Variants in EPB41L3 observed in about 807,000 individuals in gnomAD.
EPB41L3 encodes the protein band 4.1-like protein 3.
A neutral mutation model predicts 127.1 loss-of-function variants in EPB41L3; 57 were observed. The ratio of observed to expected loss-of-function variants is 0.45; its 90% CI spans 0.36 to 0.56. EPB41L3 has a LOEUF of 0.56. Among genes scored for constraint, EPB41L3 ranks in the 20% least tolerant of loss-of-function variants. The probability of loss-of-function intolerance (pLI) is 0.00; values close to 1 mark genes in which losing one functional copy is unlikely to be tolerated. For synonymous variants in EPB41L3, 572 were observed against 549.5 expected, an observed-to-expected ratio of 1.04 and a Z score of -0.57; for missense variants, 1,273 against 1,372.2, an observed-to-expected ratio of 0.93 and a Z score of 1.14.
At chr18:5,548,427 C>T (rs2149125508), upstream of EPB41L3, among the ~76,000 whole-genome samples, 1 of 152,218 alleles carries the variant, frequency 6.6e-6, no homozygotes, top group Non-Finnish European at 1.5e-5. Flanking sequence ...AAATGTAGCA[C>T]AAAATGTATG....
intron 1 of EPB41L3, chr18:5,628,862 G>C (rs1330597374): frequency 1.3e-5 from 2 of 151,714 alleles, no homozygotes; most frequent in Non-Finnish European, 2.9e-5. Flanking sequence ...CTCCAGCCGC[G>C]GCACGCAGCC....
intron 1 of EPB41L3, among the ~76,000 whole-genome samples, chr18:5,496,066 T>C (rs1317831809): frequency 6.6e-6 from 1 of 152,218 alleles, no homozygotes; most frequent in African/African-American, 2.4e-5. Flanking sequence ...TTTAGTTCAC[T>C]GAAGCAATAC....
At chr18:5,480,141 G>C (rs1934532526) in intron 2 of EPB41L3, 1 of 152,038 alleles carries the variant, frequency 6.6e-6, no homozygotes, top group African/African-American at 2.4e-5. Context: ...AAAAATATCT[G>C]TATGAGAACA....
At chr18:5,561,019 C>T (rs2094121577) in intron 3 of EPB41L3, among the ~76,000 whole-genome samples, 1 of 141,290 alleles carries the variant, frequency 7.1e-6, no homozygotes, top group Non-Finnish European at 1.5e-5. Context: ...GCTCTGTCGC[C>T]CAGGCTGGAG....
In EPB41L3 at chr18:5,419,868, G is replaced by T. The variant is rs1397848074; in HGVS notation, c.1349C>A (p.Thr450Asn). 1.9e-6 allele frequency: 3 copies of T among 1,614,098 alleles called. No homozygotes were observed. In the African/African-American group the frequency reaches 4.0e-5, roughly 22 times the overall value. ...GCCTTTTGTTGTGGCGTACTGGCCAGTACCAACCTCTGCAGCAGACATAGA... is the reference window on the plus strand; with the variant it reads ...GCCTTTTGTTGTGGCGTACTGGCCATTACCAACCTCTGCAGCAGACATAGA... The part of the protein sequence containing the change: ...MSRSLDGEVG[T>N]GQYATTKGIS... The change falls in exon 12 of 23, where the codon ACT becomes AAT. Residue 450 changes from threonine (T) to asparagine (N), a missense_variant. Thr to Asn is a moderately conservative substitution (Grantham distance 65). This residue lies in a region of EPB41L3 where 326 missense variants were observed against 440.2 expected (regional missense o/e 0.74). Coordinates refer to ENST00000341928, the MANE Select transcript of EPB41L3 (RefSeq NM_012307.5).
chr18:5,600,747 A>C lies in EPB41L3; in HGVS notation c.-306+11593T>G, dbSNP rs80291214. On this transcript the variant is annotated intron_variant, in intron 3 of 21. Transcript: ENST00000545076. ...TTCTTTCTAATCATTAAAACCATTA[A>C]AATGAATACAGAGTACCATTAACAT... is the stretch of plus-strand genomic sequence containing the variant. Among the ~76,000 whole-genome samples, 618 of 152,314 alleles carry C rather than the reference A, an allele frequency of 4.1e-3. 4 individuals carry two copies. The highest frequency in any genetic ancestry group is 0.014 in the African/African-American group (588 of 41,580).
chr18:5,490,454 C>T (rs953803747), intron 1 of EPB41L3, among the ~76,000 whole-genome samples: 11 of 152,170 alleles, frequency 7.2e-5, no homozygotes, highest in African/African-American at 2.7e-4. Context: ...GGGAGCATCA[C>T]AAATACCAAT....
intron 3 of EPB41L3, among the ~76,000 whole-genome samples, chr18:5,563,480 G>A (rs1442155955): frequency 6.6e-6 from 1 of 152,118 alleles, no homozygotes; most frequent in Non-Finnish European, 1.5e-5. Context: ...ATTATTATAT[G>A]AATAAATTAT....
In EPB41L3 at chr18:5,399,154, C is replaced by T; in HGVS notation, c.2350-1011G>A. On this transcript the variant is annotated intron_variant, in intron 16 of 22. Transcript: ENST00000341928. Reference sequence around the variant, plus strand: ...GTAACAATTCTCCCGGAGACAGTGTCATAGGATTTTCCTAGAGTGTATATT... The same window carrying T: ...GTAACAATTCTCCCGGAGACAGTGTTATAGGATTTTCCTAGAGTGTATATT... 4 of 399,076 alleles carry T rather than the reference C, an allele frequency of 1.0e-5. No individual in the cohort carries two copies. The Middle Eastern group carries it at 1.9e-3, about 188-fold the overall frequency. The allele number at this position is 399,076 out of a possible 1,614,324, so 24.7% of individuals were successfully genotyped here.
intron 13 of EPB41L3, among the ~76,000 whole-genome samples, chr18:5,412,600 C>G (rs1435280108): frequency 6.6e-6 from 1 of 152,146 alleles, no homozygotes; most frequent in Non-Finnish European, 1.5e-5. Flanking sequence ...GCTTCTCCTC[C>G]TATTTAGCTT....
chr18:5,546,860 C>T (rs2149115011), upstream of EPB41L3, among the ~76,000 whole-genome samples: 1 of 152,304 alleles, frequency 6.6e-6, no homozygotes, highest in East Asian at 1.9e-4. Flanking sequence ...TGTCTCCCCA[C>T]AGTGCCTCAC....
At chr18:5,591,185 C>A (rs1023576553) in intron 3 of EPB41L3, among the ~76,000 whole-genome samples, 30 of 152,178 alleles carry the variant, frequency 2.0e-4, no homozygotes, top group Non-Finnish European at 1.0e-4. Flanking sequence ...CGTAAATATT[C>A]ATGGAATCTG....
chr18:5,629,305 TGCGCGCAGCTGGCGGCGA>T (rs1273100023), upstream of EPB41L3, among the ~76,000 whole-genome samples: 2 of 151,774 alleles, frequency 1.3e-5, no homozygotes, highest in Non-Finnish European at 2.9e-5. Flanking sequence ...GGGGTGCAGC[TGCGCGCAGCTGGCGGCGA>T]GGGGAGGCGG....
At chr18:5,402,647 G>A (rs1352259689) in intron 16 of EPB41L3, among the ~76,000 whole-genome samples, 1 of 152,134 alleles carries the variant, frequency 6.6e-6, no homozygotes, top group African/African-American at 2.4e-5. Context: ...CTAGTTAATA[G>A]AGAAGTGAAG....
chr18:5,559,864 G>C (rs1202677345), intron 3 of EPB41L3, among the ~76,000 whole-genome samples: 1 of 152,066 alleles, frequency 6.6e-6, no homozygotes, highest in Admixed American at 6.6e-5. Context: ...TTCCTAGTAG[G>C]ACTAGAAAAA....
chr18:5,583,936 G>C (rs1410956153), intron 3 of EPB41L3, among the ~76,000 whole-genome samples: 1 of 152,116 alleles, frequency 6.6e-6, no homozygotes, highest in East Asian at 1.9e-4. Flanking sequence ...AGCCTCCCGA[G>C]TAGCTGGGAT....
chr18:5,557,051 T>C (rs2094047442), intron 3 of EPB41L3, among the ~76,000 whole-genome samples: 1 of 152,140 alleles, frequency 6.6e-6, no homozygotes, highest in African/African-American at 2.4e-5. Context: ...AGGAAGGCCC[T>C]TGGAGAACCA....
chr18:5,437,998 A>T (rs768113941), intron 6 of EPB41L3, 37 bp downstream of exon 6: 3 of 1,586,932 alleles, frequency 1.9e-6, no homozygotes, highest in Non-Finnish European at 2.6e-6. Context: ...CAACTCTCCC[A>T]ATATGCTTGT....
chr18:5,460,744 T>C (rs2083857648), intron 3 of EPB41L3, among the ~76,000 whole-genome samples: 1 of 152,292 alleles, frequency 6.6e-6, no homozygotes, highest in South Asian at 2.1e-4. Flanking sequence ...ACCTACCAAG[T>C]TGTTTTTGTG....
Sources: allele counts gnomAD v4.1 joint callset (sites outside exome capture counted in the v4.1 genomes callset), GRCh38; gene constraint gnomAD v4.1.1; regional missense constraint gnomAD v4.1.1; transcripts MANE v1.5; gene names NCBI Gene and HGNC (gene_info 2026-07-23, HGNC 2026-07-21).